Variants in TANC2 observed in about 807,000 individuals in gnomAD.
TANC2 encodes tetratricopeptide repeat, ankyrin repeat and coiled-coil containing 2.
Under a neutral mutation model 210.5 loss-of-function variants are expected in TANC2, and 26 were observed. That is an observed-to-expected ratio of 0.12 (90% CI 0.09 to 0.17). The LOEUF (loss-of-function observed/expected upper bound fraction) is 0.17, where lower values mean the gene tolerates loss of function less well. Ranked by LOEUF, TANC2 falls within the 10% of genes least tolerant of loss-of-function variation. TANC2 has a pLI of 1.00. For synonymous variants in TANC2, 931 were observed against 967.1 expected (o/e 0.96, Z 0.69); for missense variants, 2,129 against 2,608.9 (o/e 0.82, Z 4.01).
At chr17:63,313,224 T>C (rs1052490929) in intron 9 of TANC2, 2 of 152,192 alleles carry the variant, frequency 1.3e-5, no homozygotes, top group African/African-American at 4.8e-5. Context: ...TACCTTATTT[T>C]TAATTAATTC....
intron 4 of TANC2, chr17:63,149,347 T>C (rs763462876): frequency 1.3e-5 from 2 of 152,172 alleles, no homozygotes; most frequent in African/African-American, 2.4e-5. Context: ...ATAATTCTTG[T>C]ACACGCCTCA....
rs2031376489 is a variant in TANC2 at position 62,966,946 on chromosome 17, G to C, written c.-24+197G>C. ...CAAGGCGGGCTTCAGAGGCGTGTGG[G>C]GTCGCCACTTGGCTGTCACCGAAGA... On this transcript the variant is annotated intron_variant, in intron 1 of 27. Coordinates refer to ENST00000689528, the Ensembl canonical transcript of TANC2. This position sits in a 1 kb window ranked among gnomAD's most constrained non-coding sequence, Gnocchi z 5.1. The C allele has an allele frequency of 6.6e-6, 1 of 152,222 alleles. No individual in the cohort carries two copies. Among genetic ancestry groups the C allele is most frequent in the Non-Finnish European group, 1.5e-5 (1 of 68,064 alleles). 9.4% of individuals were successfully genotyped at this position (152,222 alleles called of 1,614,324 possible).
At chr17:63,179,838 C>T (rs2040717081) in intron 5 of TANC2, among the ~76,000 whole-genome samples, 1 of 152,110 alleles carries the variant, frequency 6.6e-6, no homozygotes, top group African/African-American at 2.4e-5. Flanking sequence ...CTTCCTAGCA[C>T]TTCCTTTAAT....
At chr17:62,976,651 T>C (rs2032018234) in intron 1 of TANC2, among the ~76,000 whole-genome samples, 1 of 152,304 alleles carries the variant, frequency 6.6e-6, no homozygotes, top group South Asian at 2.1e-4. Flanking sequence ...AAATAGTAAC[T>C]TCTCTTAGAA....
chr17:63,074,105 T>G (rs1341121374), intron 3 of TANC2, 91 bp downstream of exon 3: 4 of 925,244 alleles, frequency 4.3e-6, no homozygotes, highest in Non-Finnish European at 6.3e-6. Flanking sequence ...GATATTGCCA[T>G]GGTATAGTTT....
chr17:63,048,229 A>G (rs1203386638), intron 2 of TANC2, among the ~76,000 whole-genome samples: 2 of 152,158 alleles, frequency 1.3e-5, no homozygotes, highest in East Asian at 1.9e-4. Flanking sequence ...CCAAGGTACC[A>G]TATTTTGAGG....
intron 7 of TANC2, among the ~76,000 whole-genome samples, chr17:63,210,792 A>G (rs2041861764): frequency 6.6e-6 from 1 of 152,182 alleles, no homozygotes; most frequent in Non-Finnish European, 1.5e-5. Flanking sequence ...ATAAATGCAC[A>G]TTTCAATTTT....
intron 6 of TANC2, among the ~76,000 whole-genome samples, chr17:63,200,524 A>G (rs1289304934): frequency 6.6e-6 from 1 of 152,148 alleles, no homozygotes; most frequent in Non-Finnish European, 1.5e-5. Flanking sequence ...GTGATAGGGT[A>G]CTTGTCACTG....
intron 9 of TANC2, among the ~76,000 whole-genome samples, chr17:63,309,903 T>C (rs978719228): frequency 2.6e-5 from 4 of 151,892 alleles, no homozygotes; most frequent in East Asian, 1.9e-4. Context: ...ATGAATAAGA[T>C]AAAGTAAGCA....
chr17:63,351,317 A>C (rs748348737), exon 13 of TANC2: 1 of 1,610,408 alleles, frequency 6.2e-7, no homozygotes, highest in South Asian at 1.1e-5. Context: ...AATTTCACAA[A>C]CCGGATTATG....
At chr17:63,006,805 C>T (rs948958977) in intron 1 of TANC2, among the ~76,000 whole-genome samples, 16 of 151,828 alleles carry the variant, frequency 1.1e-4, no homozygotes, top group African/African-American at 3.9e-4. Context: ...TCTACTTGAT[C>T]TTGTAGCTAT....
chr17:63,361,661 T>A (rs1384449776), intron 14 of TANC2, among the ~76,000 whole-genome samples: 1 of 152,224 alleles, frequency 6.6e-6, no homozygotes, highest in Non-Finnish European at 1.5e-5. Flanking sequence ...CTCAAAGAAC[T>A]GCAGCTCTTC....
intron 14 of TANC2, among the ~76,000 whole-genome samples, chr17:63,355,670 A>G (rs1035378282): frequency 6.6e-6 from 1 of 152,222 alleles, no homozygotes; most frequent in Non-Finnish European, 1.5e-5. Context: ...TTCACAGGCT[A>G]TAATTAAGTT....
chr17:63,245,982 C>A (rs1165682764), intron 8 of TANC2, among the ~76,000 whole-genome samples: 4 of 150,818 alleles, frequency 2.7e-5, no homozygotes, highest in Middle Eastern at 3.4e-3. Context: ...TGCACTCCAG[C>A]CTGGGATACA....
intron 7 of TANC2, among the ~76,000 whole-genome samples, chr17:63,212,313 C>T (rs1011177325): frequency 6.6e-6 from 1 of 152,088 alleles, no homozygotes; most frequent in Admixed American, 6.5e-5. Flanking sequence ...TTTGGTAAAA[C>T]GACTTTCATA....
At chr17:63,175,533 CAAAAA>C (rs57220783) in intron 5 of TANC2, among the ~76,000 whole-genome samples, 208 of 103,390 alleles carry the variant, frequency 2.0e-3, no homozygotes, top group African/African-American at 4.3e-3. Context: ...TCTCCCCCGC[CAAAAA>C]AAAAAAAAAA....
exon 9 of TANC2, chr17:63,267,758 T>C (rs1393418511): frequency 6.2e-7 from 1 of 1,612,590 alleles, no homozygotes; most frequent in Non-Finnish European, 8.5e-7. Context: ...CCACCAGCTC[T>C]GCCCACTTGG....
intron 17 of TANC2, chr17:63,391,681 T>TC (rs1210136988): frequency 2.6e-5 from 4 of 151,852 alleles, no homozygotes; most frequent in African/African-American, 9.7e-5. Flanking sequence ...TTTGTCTTAT[T>TC]CCTCACATCT....
chr17:63,356,809 C>T (rs1021825058), intron 14 of TANC2, among the ~76,000 whole-genome samples: 7 of 152,044 alleles, frequency 4.6e-5, no homozygotes, highest in African/African-American at 1.7e-4. Context: ...TGCCTTTTTT[C>T]TAGAGTTGTT....
Sources: gnomAD v4.1 joint callset for allele counts (sites outside exome capture counted in the v4.1 genomes callset) on GRCh38, gnomAD v4.1.1 for gene constraint, Gnocchi (gnomAD v3.1) non-coding constraint, MANE v1.5 for transcripts, NCBI Gene and HGNC (gene_info 2026-07-23, HGNC 2026-07-21) for gene names.